Variants in SP4 observed in about 807,000 individuals in gnomAD.
The protein encoded by SP4 is transcription factor Sp4.
In SP4, 19 loss-of-function variants were observed where a neutral mutation model predicts 72.8. That is an observed-to-expected ratio of 0.26 (90% CI 0.18 to 0.38). The LOEUF (loss-of-function observed/expected upper bound fraction) is 0.38, where lower values mean the gene tolerates loss of function less well. Among genes scored for constraint, SP4 ranks in the 10% least tolerant of loss-of-function variants. The pLI is 1.00. For synonymous variants in SP4, 395 were observed against 333.1 expected (o/e 1.19, Z -2.02); for missense variants, 1,008 against 926.3 (o/e 1.09, Z -1.14).
In SP4 at chr7:21,433,293, C is replaced by T. The variant is rs538054910; in HGVS notation, c.1678+2450C>T. 9.9e-5 allele frequency among the ~76,000 whole-genome samples: 15 copies of T among 152,262 alleles called. No individual in the cohort carries two copies. In the South Asian group the frequency reaches 3.1e-3, roughly 32 times the overall value. ...TTTTAAGTAGAGGAGGAAATTTGAA[C>T]TCTACATAGTTGGATTCTTTTCCCC... On this transcript the variant is annotated intron_variant, in intron 3 of 5. Transcript: ENST00000222584.
At chr7:21,502,789 G>A (rs74764158) in intron 5 of SP4, among the ~76,000 whole-genome samples, 3,943 of 152,214 alleles carry the variant, frequency 0.026, 94 homozygotes, top group East Asian at 0.079. Flanking sequence ...ACACTTGGGG[G>A]GTTGAGTTTT....
intron 3 of SP4, among the ~76,000 whole-genome samples, chr7:21,435,165 CT>C (rs1783007595): frequency 6.6e-6 from 1 of 152,112 alleles, no homozygotes; most frequent in East Asian, 1.9e-4. Flanking sequence ...TACTGTAGGC[CT>C]TTTGATTGAT....
At chr7:21,445,705 C>T (rs1020334163) in intron 3 of SP4, among the ~76,000 whole-genome samples, 13 of 151,898 alleles carry the variant, frequency 8.6e-5, no homozygotes, top group African/African-American at 2.9e-4. Context: ...TGATACATGG[C>T]GGGTGTTGAG....
At chr7:21,498,451 G>T (rs989429121) in intron 5 of SP4, among the ~76,000 whole-genome samples, 2 of 152,158 alleles carry the variant, frequency 1.3e-5, no homozygotes, top group African/African-American at 2.4e-5. Context: ...GGGTACTCAT[G>T]AAAAGACTTT....
chr7:21,475,118 T>C (rs1784460806), intron 3 of SP4, among the ~76,000 whole-genome samples: 1 of 151,740 alleles, frequency 6.6e-6, no homozygotes, highest in Non-Finnish European at 1.5e-5. Context: ...TTTTTGTTTT[T>C]TGTTTTTTTT....
intron 5 of SP4, among the ~76,000 whole-genome samples, chr7:21,491,670 G>A (rs1004956606): frequency 4.6e-5 from 7 of 152,128 alleles, no homozygotes; most frequent in African/African-American, 1.4e-4. Context: ...ATTATATACC[G>A]GGGAACAAAA....
chr7:21,449,756 C>CT (rs1257492984), intron 3 of SP4, among the ~76,000 whole-genome samples: 1 of 152,102 alleles, frequency 6.6e-6, no homozygotes, highest in African/African-American at 2.4e-5. Flanking sequence ...CAAATCACAC[C>CT]TTTAGTTATT....
chr7:21,481,880 A>T lies in SP4; in HGVS notation c.1908-44A>T, dbSNP rs1176915270. On this transcript the variant is annotated intron_variant, in intron 4 of 5. Transcript: ENST00000222584. ...TTAATTTTTCTATAATTGTAAACCT[A>T]CTATTTGGCAGTGTAATTAATGTTC... 8.5e-6 allele frequency: 11 copies of T among 1,293,332 alleles called. 1 individual carries two copies. Among genetic ancestry groups the T allele is most frequent in the Middle Eastern group, 1.8e-4 (1 of 5,468 alleles). 80.1% of individuals were successfully genotyped at this position (1,293,332 alleles called of 1,614,324 possible). A position where few individuals can be genotyped will look rare whatever the true frequency, so the allele number is the denominator to read the frequency against.
chr7:21,441,833 C>G (rs1053949935), intron 3 of SP4, among the ~76,000 whole-genome samples: 1 of 152,072 alleles, frequency 6.6e-6, no homozygotes, highest in Non-Finnish European at 1.5e-5. Flanking sequence ...TTGTTCTTTT[C>G]CCCTGCTCTG....
chr7:21,448,106 A>T (rs998003503), intron 3 of SP4, among the ~76,000 whole-genome samples: 1 of 152,234 alleles, frequency 6.6e-6, no homozygotes, highest in African/African-American at 2.4e-5. Context: ...TTTAAAATAT[A>T]ATATTTGCTT....
chr7:21,502,039 C>CA (rs755811425), intron 5 of SP4, among the ~76,000 whole-genome samples: 4 of 72,034 alleles, frequency 5.6e-5, no homozygotes, highest in Admixed American at 1.6e-4. Flanking sequence ...ATTCATTAGG[C>CA]ACCCCCCCCC....
Position 21,429,266 on chromosome 7 carries a change from CTTTACCGT to C in SP4, c.124-22_124-15del. On this transcript the variant is annotated splice_polypyrimidine_tract_variant and intron_variant, in intron 2 of 5. Transcript: ENST00000222584. ...CCACTTTTTTTCCCCCCCCCCTCTC[CTTTACCGT>C]CCCATTTTGGGTAGGACTCTCAGCC... is the stretch of plus-strand genomic sequence containing the variant. 7.6e-7 allele frequency: 1 copy of C among 1,308,494 alleles called. No homozygotes were observed. Among genetic ancestry groups the C allele is most frequent in the Non-Finnish European group, 1.1e-6 (1 of 934,400 alleles). 81.1% of individuals were successfully genotyped at this position (1,308,494 alleles called of 1,614,324 possible).
chr7:21,468,625 T>A (rs1784239866), intron 3 of SP4, among the ~76,000 whole-genome samples: 1 of 151,992 alleles, frequency 6.6e-6, no homozygotes, highest in South Asian at 2.1e-4. Context: ...AGATGTCATA[T>A]TATAATAATT....
At chr7:21,502,296 T>C (rs768621788) in intron 5 of SP4, among the ~76,000 whole-genome samples, 39 of 152,108 alleles carry the variant, frequency 2.6e-4, no homozygotes, top group Non-Finnish European at 4.6e-4. Context: ...ATTGCCTGAC[T>C]CAACCTGTGA....
At chr7:21,482,159 T>A (rs78715466) in intron 5 of SP4, 36 bp downstream of exon 5, 1 of 1,525,908 alleles carries the variant, frequency 6.6e-7, no homozygotes, top group Non-Finnish European at 9.0e-7. Flanking sequence ...TTTTACTTAT[T>A]TCTTCAGTTT....
rs142813715 is a variant in SP4 at position 21,491,371 on chromosome 7, TGAAAG to T, written c.2107+9252_2107+9256del. Among the ~76,000 whole-genome samples, 590 of 152,032 alleles carry T rather than the reference TGAAAG, an allele frequency of 3.9e-3. 3 individuals carry two copies. The highest frequency in any genetic ancestry group is 0.013 in the African/African-American group (528 of 41,452). ...CTGGAAATTATAAAATCTGAAGAATTGAAAGGAAGAAGATTGGGGAGTCAGAAAAA... is the reference window on the plus strand; with the variant it reads ...CTGGAAATTATAAAATCTGAAGAATTGAAGAAGATTGGGGAGTCAGAAAAA... On this transcript the variant is annotated intron_variant, in intron 5 of 5. Coordinates refer to ENST00000222584, the MANE Select transcript of SP4 (RefSeq NM_003112.5).
intron 4 of SP4, among the ~76,000 whole-genome samples, chr7:21,480,401 G>A (rs1192476919): frequency 6.6e-6 from 1 of 152,108 alleles, no homozygotes; most frequent in Non-Finnish European, 1.5e-5. Flanking sequence ...CAGTCTAGTT[G>A]CTTGTTGTAG....
At chr7:21,447,225 C>G (rs142815652) in intron 3 of SP4, among the ~76,000 whole-genome samples, 120 of 152,318 alleles carry the variant, frequency 7.9e-4, no homozygotes, top group African/African-American at 2.8e-3. Context: ...CAGTATAACC[C>G]TGTAATATAG....
intron 3 of SP4, among the ~76,000 whole-genome samples, chr7:21,441,192 A>G (rs981685861): frequency 2.6e-5 from 4 of 152,158 alleles, no homozygotes; most frequent in Non-Finnish European, 5.9e-5. Flanking sequence ...GGCCTTAAAG[A>G]TTGGTTTGGA....
Sources: gnomAD v4.1 joint callset for allele counts (sites outside exome capture counted in the v4.1 genomes callset) on GRCh38, gnomAD v4.1.1 for gene constraint, MANE v1.5 for transcripts, NCBI Gene and HGNC (gene_info 2026-07-23, HGNC 2026-07-21) for gene names.